The following GUCY1A2 variants were observed in gnomAD, a reference collection of about 807,000 sequenced individuals.
The protein encoded by GUCY1A2 is guanylate cyclase soluble subunit alpha-2.
Under a neutral mutation model 63.5 loss-of-function variants are expected in GUCY1A2, and 27 were observed. The observed-to-expected ratio is 0.43, with a 90% CI of 0.31 to 0.59. The LOEUF (loss-of-function observed/expected upper bound fraction) is 0.59, where lower values mean the gene tolerates loss of function less well. Among genes scored for constraint, GUCY1A2 ranks in the 20% least tolerant of loss-of-function variants. The pLI is 0.11. For synonymous variants in GUCY1A2, 364 were observed against 343.5 expected, an observed-to-expected ratio of 1.06 and a Z score of -0.66; for missense variants, 768 against 913.3, an observed-to-expected ratio of 0.84 and a Z score of 2.05.
intron 6 of GUCY1A2, among the ~76,000 whole-genome samples, chr11:106,714,845 C>T (rs1457750028): frequency 1.3e-5 from 2 of 152,154 alleles, no homozygotes; most frequent in Admixed American, 1.3e-4. Flanking sequence ...CAAATATCAA[C>T]AGTGCCAAGA....
chr11:107,006,636 G>A (rs1861675123), intron 1 of GUCY1A2, among the ~76,000 whole-genome samples: 1 of 152,176 alleles, frequency 6.6e-6, no homozygotes, highest in South Asian at 2.1e-4. Flanking sequence ...CATTAACTTG[G>A]TCAGACCACA....
At chr11:106,777,644 CACAGGG>C (rs1000186415) in intron 5 of GUCY1A2, among the ~76,000 whole-genome samples, 2 of 134,652 alleles carry the variant, frequency 1.5e-5, no homozygotes, top group African/African-American at 5.8e-5. Context: ...AACATGTGGA[CACAGGG>C]ACAGGGACAT....
chr11:106,709,948 T>G (rs62646305), intron 6 of GUCY1A2, among the ~76,000 whole-genome samples: 19 of 137,286 alleles, frequency 1.4e-4, no homozygotes, highest in East Asian at 8.5e-4. Context: ...TACATGTATA[T>G]AACATATAGT....
chr11:106,847,853 CT>C (rs1235087543), intron 4 of GUCY1A2, among the ~76,000 whole-genome samples: 2 of 151,138 alleles, frequency 1.3e-5, no homozygotes, highest in Admixed American at 6.6e-5. Flanking sequence ...ATAAGAAATG[CT>C]TTTTTTTAAA....
intron 4 of GUCY1A2, among the ~76,000 whole-genome samples, chr11:106,912,097 TAA>T (rs1037967284): frequency 1.3e-5 from 2 of 151,996 alleles, no homozygotes; most frequent in Non-Finnish European, 2.9e-5. Flanking sequence ...AAAATCAATA[TAA>T]GTTTTATATT....
At chr11:106,804,842 A>T (rs1858658573) in intron 5 of GUCY1A2, among the ~76,000 whole-genome samples, 1 of 152,156 alleles carries the variant, frequency 6.6e-6, no homozygotes, top group African/African-American at 2.4e-5. Flanking sequence ...GTTTGTACTG[A>T]TACCCATATT....
At chr11:106,812,198 T>C (rs1420804323) in intron 4 of GUCY1A2, among the ~76,000 whole-genome samples, 4 of 151,946 alleles carry the variant, frequency 2.6e-5, no homozygotes, top group Non-Finnish European at 5.9e-5. Context: ...AAGATTGACA[T>C]AAGCGCAAAA....
intron 4 of GUCY1A2, among the ~76,000 whole-genome samples, chr11:106,933,845 C>G (rs1860639417): frequency 6.6e-6 from 1 of 152,100 alleles, no homozygotes; most frequent in African/African-American, 2.4e-5. Flanking sequence ...AGCAAACAAA[C>G]ACAGGAACGG....
chr11:106,911,446 G>A (rs555195938), intron 4 of GUCY1A2, among the ~76,000 whole-genome samples: 3 of 152,132 alleles, frequency 2.0e-5, no homozygotes, highest in South Asian at 2.1e-4. Context: ...CTTCTTCCCC[G>A]CTTCTTCCTC....
intron 4 of GUCY1A2, among the ~76,000 whole-genome samples, chr11:106,842,441 A>G (rs1275437885): frequency 6.6e-6 from 1 of 151,998 alleles, no homozygotes; most frequent in East Asian, 1.9e-4. Context: ...TAAACAGACC[A>G]CTGGACTGTC....
intron 7 of GUCY1A2, among the ~76,000 whole-genome samples, chr11:106,695,929 C>T (rs1170079414): frequency 6.6e-6 from 1 of 152,068 alleles, no homozygotes; most frequent in Non-Finnish European, 1.5e-5. Context: ...GGATAGCCTT[C>T]CTGTATGTCC....
intron 6 of GUCY1A2, among the ~76,000 whole-genome samples, chr11:106,748,846 A>G (rs1290892241): frequency 6.6e-6 from 1 of 151,046 alleles, no homozygotes; most frequent in Non-Finnish European, 1.5e-5. Context: ...GTTTAATTAA[A>G]TAGAACAGAA....
intron 1 of GUCY1A2, among the ~76,000 whole-genome samples, chr11:107,007,726 CCT>C (rs1861689578): frequency 1.3e-5 from 2 of 152,156 alleles, no homozygotes; most frequent in South Asian, 4.1e-4. Context: ...ACTATCCCTC[CCT>C]GTGCCACTAT....
intron 7 of GUCY1A2, among the ~76,000 whole-genome samples, chr11:106,699,971 G>C (rs1862790686): frequency 6.6e-6 from 1 of 151,858 alleles, no homozygotes; most frequent in African/African-American, 2.4e-5. Context: ...TTTTAGTAGA[G>C]ACGGGGTTTC....
intron 6 of GUCY1A2, among the ~76,000 whole-genome samples, chr11:106,709,436 T>TA (rs1863002346): frequency 1.1e-5 from 1 of 94,518 alleles, no homozygotes; most frequent in Admixed American, 1.7e-4. Flanking sequence ...TATAAGTATA[T>TA]ATAATAATAT....
rs569241214 is a variant in GUCY1A2, at chr11:106,978,735, C to T, written c.371G>A (p.Arg124Lys). 3.8e-6 allele frequency: 6 copies of T among 1,595,074 alleles called. No individual in the cohort carries two copies. The highest frequency in any genetic ancestry group is 4.3e-6 in the Non-Finnish European group (5 of 1,172,658). ...QYYEHQVIGY[R>K]DAEKNFHNIS... The stretch of plus-strand genomic sequence containing the variant: ...ATTGTGGAAATTCTTTTCTGCATCC[C>T]TGTAACTAAGAAGAAAACAAAATTA... Residue 124 changes from arginine to lysine, a missense_variant, in exon 3 of 8, where the codon AGG becomes AAG. Coordinates refer to ENST00000526355, the MANE Select transcript of GUCY1A2 (RefSeq NM_000855.3).
At chr11:106,773,110 T>C (rs1864286522) in intron 6 of GUCY1A2, among the ~76,000 whole-genome samples, 1 of 151,978 alleles carries the variant, frequency 6.6e-6, no homozygotes, top group South Asian at 2.1e-4. Flanking sequence ...ATGTTTATCT[T>C]CCCTATTGTA....
intron 5 of GUCY1A2, among the ~76,000 whole-genome samples, chr11:106,802,618 A>C (rs1858625132): frequency 6.6e-6 from 1 of 152,134 alleles, no homozygotes; most frequent in Non-Finnish European, 1.5e-5. Flanking sequence ...CTTAAACAAC[A>C]GGAATTTATT....
At chr11:106,879,558 C>T (rs539463946) in intron 4 of GUCY1A2, among the ~76,000 whole-genome samples, 3 of 152,144 alleles carry the variant, frequency 2.0e-5, no homozygotes, top group African/African-American at 7.2e-5. Context: ...ACTTACCTCA[C>T]ACTAATCGTC....
Sources: gnomAD v4.1 joint callset for allele counts (sites outside exome capture counted in the v4.1 genomes callset) on GRCh38, gnomAD v4.1.1 for gene constraint, MANE v1.5 for transcripts, NCBI Gene and HGNC (gene_info 2026-07-23, HGNC 2026-07-21) for gene names.